HS2ST1: variants seen among roughly 807,000 people sequenced by gnomAD.
HS2ST1 encodes the protein 2-O-sulfotransferase.
Under a neutral mutation model 42.9 loss-of-function variants are expected in HS2ST1, and 18 were observed. The observed-to-expected ratio is 0.42, with a 90% CI of 0.29 to 0.62. HS2ST1 has a LOEUF of 0.62. Ranked by LOEUF, HS2ST1 falls within the 20% of genes least tolerant of loss-of-function variation. The probability of loss-of-function intolerance (pLI) is 0.21; values close to 1 mark genes in which losing one functional copy is unlikely to be tolerated. For missense variants in HS2ST1, 334 were observed against 433.8 expected (o/e 0.77, Z 2.04); for synonymous variants, 146 against 152.9 (o/e 0.95, Z 0.33).
intron 1 of HS2ST1, among the ~76,000 whole-genome samples, chr1:87,070,447 C>T (rs1184627193): frequency 1.3e-5 from 2 of 151,932 alleles, no homozygotes; most frequent in Admixed American, 1.3e-4. Context: ...AAAAATTAGC[C>T]AGATGTGATC....
At chr1:87,043,598 C>G (rs1650571204) in intron 1 of HS2ST1, among the ~76,000 whole-genome samples, 2 of 152,032 alleles carry the variant, frequency 1.3e-5, no homozygotes, top group South Asian at 4.1e-4. Context: ...TTTATTGTTA[C>G]AGTCCTGTCT....
chr1:87,090,312 A>G (rs181076816), intron 3 of HS2ST1, among the ~76,000 whole-genome samples: 2 of 152,164 alleles, frequency 1.3e-5, no homozygotes, highest in Admixed American at 6.6e-5. Context: ...GCCCCGGTGG[A>G]ACTTCTACTC....
At chr1:86,997,472 C>G (rs1306500043) in intron 1 of HS2ST1, among the ~76,000 whole-genome samples, 2 of 145,196 alleles carry the variant, frequency 1.4e-5, no homozygotes, top group African/African-American at 5.1e-5. Flanking sequence ...GATATATTCA[C>G]CTGTGTAAAT....
chr1:87,090,373 T>C (rs1343988350), intron 3 of HS2ST1, among the ~76,000 whole-genome samples: 1 of 152,006 alleles, frequency 6.6e-6, no homozygotes, highest in Admixed American at 6.6e-5. Flanking sequence ...TGTCCTTCTT[T>C]TAAAAAAAAC....
chr1:86,986,360 C>T (rs1648785441), intron 1 of HS2ST1, among the ~76,000 whole-genome samples: 1 of 152,096 alleles, frequency 6.6e-6, no homozygotes, highest in Non-Finnish European at 1.5e-5. Context: ...TATCTTATTG[C>T]TTGAAAATTG....
At chr1:87,045,904 A>C in intron 1 of HS2ST1, 1 of 700,594 alleles carries the variant, frequency 1.4e-6, no homozygotes, top group South Asian at 1.4e-5. Flanking sequence ...CCTTGTGCTC[A>C]CCGGCTTCTC....
chr1:86,966,654 G>A (rs1364296333), intron 1 of HS2ST1, among the ~76,000 whole-genome samples: 1 of 152,154 alleles, frequency 6.6e-6, no homozygotes, highest in Non-Finnish European at 1.5e-5. Flanking sequence ...TACAGCCCAG[G>A]CTGATCTTGA....
intron 1 of HS2ST1, among the ~76,000 whole-genome samples, chr1:86,933,616 T>C (rs1173978910): frequency 1.3e-5 from 2 of 152,220 alleles, no homozygotes; most frequent in Non-Finnish European, 2.9e-5. Context: ...CTCACAGTGA[T>C]GATTCCAAAA....
intron 1 of HS2ST1, among the ~76,000 whole-genome samples, chr1:87,072,024 A>C (rs1235047561): frequency 6.6e-6 from 1 of 152,006 alleles, no homozygotes; most frequent in East Asian, 1.9e-4. Context: ...ATATATTTGA[A>C]TGTATATTAG....
chr1:87,037,821 T>G (rs545264177), intron 1 of HS2ST1, among the ~76,000 whole-genome samples: 1 of 152,042 alleles, frequency 6.6e-6, no homozygotes, highest in African/African-American at 2.4e-5. Context: ...GCCATCTTGA[T>G]ACTTCCAGAC....
chr1:87,037,021 G>C lies in HS2ST1; in HGVS notation c.125-35913G>C, dbSNP rs886119752. 2.6e-5 allele frequency among the ~76,000 whole-genome samples: 4 copies of C among 151,808 alleles called. No individual in the cohort carries two copies. The East Asian group carries it at 7.7e-4, about 29-fold the overall frequency. Reference sequence around the variant, plus strand: ...TAAACCTTAGGTAATAAAGTGCTAGGGTTCTTTTTCCTGTTCTAACGAAGT... The same window carrying C: ...TAAACCTTAGGTAATAAAGTGCTAGCGTTCTTTTTCCTGTTCTAACGAAGT... On this transcript the variant is annotated intron_variant, in intron 1 of 6. Coordinates refer to ENST00000370550, the MANE Select transcript of HS2ST1 (RefSeq NM_012262.4).
chr1:87,048,896 C>A (rs1469031813), intron 1 of HS2ST1, among the ~76,000 whole-genome samples: 3 of 152,076 alleles, frequency 2.0e-5, no homozygotes. Flanking sequence ...GATTTCATGT[C>A]TGATTTTGGT....
At chr1:87,074,987 G>A (rs962046973) in intron 2 of HS2ST1, among the ~76,000 whole-genome samples, 2 of 151,640 alleles carry the variant, frequency 1.3e-5, no homozygotes, top group African/African-American at 4.8e-5. Context: ...TGTGTGACAT[G>A]TTTTCATGTT....
chr1:87,007,975 A>G (rs1183889295), intron 1 of HS2ST1, among the ~76,000 whole-genome samples: 2 of 152,136 alleles, frequency 1.3e-5, no homozygotes, highest in Non-Finnish European at 2.9e-5. Context: ...TTTTTAAAAA[A>G]TTTTATTTGT....
chr1:86,963,697 G>T (rs546960083), intron 1 of HS2ST1, among the ~76,000 whole-genome samples: 1 of 151,812 alleles, frequency 6.6e-6, no homozygotes, highest in African/African-American at 2.4e-5. Context: ...GGTGACAGCC[G>T]GGCAGAGGGG....
intron 1 of HS2ST1, among the ~76,000 whole-genome samples, chr1:86,925,241 C>T (rs1660390080): frequency 1.3e-5 from 2 of 152,164 alleles, no homozygotes; most frequent in African/African-American, 2.4e-5. Context: ...TTGTTCATAT[C>T]ACTATCAGCA....
At chr1:86,941,827 A>G (rs890229588) in intron 1 of HS2ST1, among the ~76,000 whole-genome samples, 1 of 152,216 alleles carries the variant, frequency 6.6e-6, no homozygotes, top group African/African-American at 2.4e-5. Context: ...GGTACCTGCT[A>G]CTGAACCTGT....
At chr1:87,057,633 C>T (rs1328042057) in intron 1 of HS2ST1, among the ~76,000 whole-genome samples, 1 of 150,278 alleles carries the variant, frequency 6.7e-6, no homozygotes, top group Non-Finnish European at 1.5e-5. Flanking sequence ...AGGTGGATCA[C>T]GAGGTCAGGA....
intron 1 of HS2ST1, among the ~76,000 whole-genome samples, chr1:86,964,588 G>A (rs899149013): frequency 1.3e-5 from 2 of 152,262 alleles, no homozygotes; most frequent in Admixed American, 6.5e-5. Flanking sequence ...GATGGCAGCA[G>A]TACAGTCCAG....
Sources: gnomAD v4.1 joint callset for allele counts (sites outside exome capture counted in the v4.1 genomes callset) on GRCh38, gnomAD v4.1.1 for gene constraint, MANE v1.5 for transcripts, NCBI Gene and HGNC (gene_info 2026-07-23, HGNC 2026-07-21) for gene names.